Variants in MAP2 observed in about 807,000 individuals in gnomAD.
The protein encoded by MAP2 is microtubule associated protein 2, also known as microtubule-associated protein 2.
In MAP2, 14 loss-of-function variants were observed where a neutral mutation model predicts 137.6. The ratio of observed to expected loss-of-function variants is 0.10; its 90% confidence interval spans 0.07 to 0.16. The LOEUF is 0.16. MAP2 is among the 10% of genes least tolerant of loss of function. The pLI is 1.00. For synonymous variants in MAP2, 786 were observed against 782.3 expected, an observed-to-expected ratio of 1.00 and a Z score of -0.08; for missense variants, 2,088 against 2,191.5, an observed-to-expected ratio of 0.95 and a Z score of 0.94.
chr2:209,693,112 A>G lies in MAP2; in HGVS notation c.942A>G (p.Pro314=), dbSNP rs750032724. The change falls in exon 8 of 16, where the codon CCA becomes CCG. Residue 314 remains proline (P), a synonymous_variant. Coordinates refer to ENST00000682079, the MANE Select transcript of MAP2 (RefSeq NM_001375505.1). ...GGAAACAGTTTGATTCTCCCATGCC[A>G]AGTCCCTTTCAAGGGGGAAGCTTCA... The part of the protein sequence containing the change: ...WEGKQFDSPM[P]SPFQGGSFTL... 6.2e-7 allele frequency: 1 copy of G among 1,612,910 alleles called. No homozygotes were observed. Among genetic ancestry groups the G allele is most frequent in the East Asian group, 2.2e-5 (1 of 44,856 alleles).
At chr2:209,712,402 C>A (rs566689693) in intron 13 of MAP2, among the ~76,000 whole-genome samples, 3 of 152,076 alleles carry the variant, frequency 2.0e-5, no homozygotes, top group Admixed American at 6.5e-5. Flanking sequence ...TCATTTGAAG[C>A]AAATATGTTT....
chr2:209,662,856 A>T (rs1049156974), intron 5 of MAP2, among the ~76,000 whole-genome samples: 15 of 152,136 alleles, frequency 9.9e-5, no homozygotes, highest in Admixed American at 2.0e-4. Flanking sequence ...AAGAAAAAAA[A>T]GATAAGATAA....
intron 3 of MAP2, among the ~76,000 whole-genome samples, chr2:209,587,054 T>A (rs549821688): frequency 6.6e-6 from 1 of 152,194 alleles, no homozygotes; most frequent in Non-Finnish European, 1.5e-5. Context: ...ATGCTTATTA[T>A]GCCATATAAT....
chr2:209,726,535 G>A (rs965884830), intron 14 of MAP2, among the ~76,000 whole-genome samples: 2 of 152,176 alleles, frequency 1.3e-5, no homozygotes, highest in Admixed American at 6.5e-5. Flanking sequence ...AAGGCAGGAG[G>A]ATTGCTTAAG....
At chr2:209,571,139 A>G (rs970620825) in intron 2 of MAP2, among the ~76,000 whole-genome samples, 5 of 151,966 alleles carry the variant, frequency 3.3e-5, no homozygotes, top group African/African-American at 1.2e-4. Context: ...GTTACATGGT[A>G]TGTGTGTAAA....
chr2:209,501,830 TC>T (rs2060416651), intron 1 of MAP2, among the ~76,000 whole-genome samples: 2 of 151,788 alleles, frequency 1.3e-5, no homozygotes, highest in Admixed American at 6.6e-5. Context: ...TTACAAAGCA[TC>T]CGCTCCTGGC....
At chr2:209,650,594 C>T (rs1169694922) in intron 4 of MAP2, among the ~76,000 whole-genome samples, 1 of 152,078 alleles carries the variant, frequency 6.6e-6, no homozygotes, top group African/African-American at 2.4e-5. Flanking sequence ...ATATAGTACC[C>T]TGGATCAGAT....
chr2:209,633,265 T>A (rs969125916), intron 4 of MAP2, among the ~76,000 whole-genome samples: 3 of 152,288 alleles, frequency 2.0e-5, no homozygotes, highest in African/African-American at 7.2e-5. Context: ...TCAAATGCCA[T>A]TCCTTCTATG....
intron 1 of MAP2, among the ~76,000 whole-genome samples, chr2:209,506,780 A>G (rs1048548081): frequency 6.6e-6 from 1 of 152,176 alleles, no homozygotes; most frequent in African/African-American, 2.4e-5. Context: ...ACCTTTAGCA[A>G]AGGTTTGGAC....
intron 4 of MAP2, among the ~76,000 whole-genome samples, chr2:209,651,293 A>T (rs560067935): frequency 6.6e-6 from 1 of 152,278 alleles, no homozygotes; most frequent in East Asian, 1.9e-4. Flanking sequence ...TGTCTGGTAC[A>T]TTTACCATGC....
chr2:209,656,542 G>T (rs913569205), intron 5 of MAP2, among the ~76,000 whole-genome samples: 1 of 151,400 alleles, frequency 6.6e-6, no homozygotes, highest in Admixed American at 6.6e-5. Flanking sequence ...TCTAGATTTT[G>T]TCCCCTTTTT....
At position 209,710,182 on chromosome 2, in the gene MAP2, G is replaced by T; in HGVS notation, c.5001G>T (p.Leu1667=). 1 of 1,612,744 alleles carries T rather than the reference G, an allele frequency of 6.2e-7. No homozygotes were observed. The highest frequency in any genetic ancestry group is 1.1e-5 in the South Asian group (1 of 90,978). The stretch of plus-strand genomic sequence containing the variant: ...AGCTTCGGCTTATTAACCAACCACT[G>T]CCAGACCTGAAGAATGTCAAATCCA... ...PKQLRLINQP[L]PDLKNVKSKI... Residue 1667 remains leucine (L), a synonymous_variant, in exon 13 of 16, where the codon CTG becomes CTT. Transcript: ENST00000682079.
intron 2 of MAP2, among the ~76,000 whole-genome samples, chr2:209,527,332 C>T (rs1445986804): frequency 6.6e-6 from 1 of 152,090 alleles, no homozygotes; most frequent in Non-Finnish European, 1.5e-5. Flanking sequence ...AGAGCAGGAA[C>T]ATTTTCTGTT....
At chr2:209,441,994 A>T (rs940146136) in intron 1 of MAP2, among the ~76,000 whole-genome samples, 8 of 151,576 alleles carry the variant, frequency 5.3e-5, no homozygotes, top group Non-Finnish European at 8.9e-5. Context: ...CAGAAAGATT[A>T]TACATGTTTC....
chr2:209,602,159 A>G (rs2153462577), intron 3 of MAP2, among the ~76,000 whole-genome samples: 1 of 152,342 alleles, frequency 6.6e-6, no homozygotes, highest in East Asian at 1.9e-4. Context: ...TTTAGTTCGA[A>G]CAAGACTCAA....
intron 3 of MAP2, among the ~76,000 whole-genome samples, chr2:209,619,645 TTATATG>T (rs2090547454): frequency 6.6e-6 from 1 of 152,062 alleles, no homozygotes; most frequent in South Asian, 2.1e-4. Context: ...AAATATTTGT[TTATATG>T]TATATATATT....
At chr2:209,704,375 T>C in intron 11 of MAP2, 9 of 1,330,472 alleles carry the variant, frequency 6.8e-6, no homozygotes, top group South Asian at 1.5e-5. Flanking sequence ...TATATGTTTA[T>C]ACTTCTTTTT....
chr2:209,531,463 G>A (rs973416306), intron 2 of MAP2, among the ~76,000 whole-genome samples: 6 of 152,104 alleles, frequency 3.9e-5, no homozygotes, highest in Admixed American at 3.3e-4. Flanking sequence ...CTTTTTTTAT[G>A]AGCCTGAATC....
At position 209,710,263 on chromosome 2, in the gene MAP2, T is replaced by G. The variant is rs2064972533; in HGVS notation, c.5073+9T>G. ...AGCCTAAAGGGGGGCAGGTAAGAAT[T>G]GCATGAACACATATTTGCTGCCAGA... is the stretch of plus-strand genomic sequence containing the variant. On this transcript the variant is annotated intron_variant, in intron 13 of 15. Coordinates refer to ENST00000682079, the MANE Select transcript of MAP2 (RefSeq NM_001375505.1). 8 of 1,550,828 alleles carry G rather than the reference T, an allele frequency of 5.2e-6. No individual in the cohort carries two copies. Among genetic ancestry groups the G allele is most frequent in the African/African-American group, 1.4e-5 (1 of 73,122 alleles).
Sources: allele counts gnomAD v4.1 joint callset (sites outside exome capture counted in the v4.1 genomes callset), GRCh38; gene constraint gnomAD v4.1.1; transcripts MANE v1.5; gene names NCBI Gene and HGNC (gene_info 2026-07-23, HGNC 2026-07-21).